MBD4: variants seen among roughly 807,000 people sequenced by gnomAD.
The protein encoded by MBD4 is methyl-CpG binding domain 4, DNA glycosylase.
A neutral mutation model predicts 60.2 loss-of-function variants in MBD4; 53 were observed. The observed-to-expected ratio is 0.88, with a 90% CI of 0.71 to 1.11. MBD4 has a LOEUF of 1.11. Ranked by LOEUF, MBD4 falls within the 50% of genes least tolerant of loss-of-function variation. MBD4 has a pLI of 0.00. For synonymous variants in MBD4, 231 were observed against 229.8 expected, an observed-to-expected ratio of 1.01 and a Z score of -0.05; for missense variants, 619 against 674.0, an observed-to-expected ratio of 0.92 and a Z score of 0.90.
chr3:129,436,374 G>C (rs539583820), intron 3 of MBD4, 87 bp downstream of exon 3: 2 of 1,529,206 alleles, frequency 1.3e-6, no homozygotes, highest in Admixed American at 3.4e-5. Context: ...GTATGGGCAC[G>C]AATACAAGAT....
chr3:129,431,004 G>C lies in MBD4; in HGVS notation c.*497C>G, dbSNP rs1048251977. On this transcript the variant is annotated 3_prime_UTR_variant, in exon 8 of 8. Coordinates refer to ENST00000429544, the MANE Select transcript of MBD4 (RefSeq NM_001276270.2). ...TTTAAATATATATTTTTTGAGACAGGGTCTCTCTCTGTCATCCAGACTGGA... is the reference window on the plus strand; with the variant it reads ...TTTAAATATATATTTTTTGAGACAGCGTCTCTCTCTGTCATCCAGACTGGA... 6.5e-6 allele frequency: 1 copy of C among 154,100 alleles called. No individual in the cohort carries two copies. Among genetic ancestry groups the C allele is most frequent in the South Asian group, 2.0e-4 (1 of 5,082 alleles). The allele number at this position is 154,100 out of a possible 1,614,324, so 9.5% of individuals were successfully genotyped here.
At chr3:129,439,161 T>C (rs574440035) in intron 1 of MBD4, among the ~76,000 whole-genome samples, 5 of 152,230 alleles carry the variant, frequency 3.3e-5, no homozygotes, top group Admixed American at 2.0e-4. Context: ...CTGATGTAAT[T>C]TGGGGTAAAA....
intron 1 of MBD4, among the ~76,000 whole-genome samples, chr3:129,438,223 C>G (rs934944048): frequency 6.6e-6 from 1 of 152,072 alleles, no homozygotes; most frequent in Non-Finnish European, 1.5e-5. Flanking sequence ...CTGAGTAGGG[C>G]TATTATAAAG....
Position 129,431,484 on chromosome 3 carries a change from C to A in MBD4, c.*17G>T, listed in dbSNP as rs768009716. On this transcript the variant is annotated 3_prime_UTR_variant, in exon 8 of 8. Transcript: ENST00000429544. The stretch of plus-strand genomic sequence containing the variant: ...TGCAAAGCTATGCATAACAGATGAG[C>A]TTGAAAGCTGCAGAGTTTAAGATAG... 3.1e-6 allele frequency: 5 copies of A among 1,603,460 alleles called. No homozygotes were observed. In the South Asian group the frequency reaches 4.4e-5, roughly 14 times the overall value.
At position 129,434,171 on chromosome 3, in the gene MBD4, T is replaced by C. The variant is rs766752309; in HGVS notation, c.1184-35A>G. On this transcript the variant is annotated intron_variant, in intron 3 of 7. Coordinates refer to ENST00000429544, the MANE Select transcript of MBD4 (RefSeq NM_001276270.2). The stretch of plus-strand genomic sequence containing the variant: ...AAAAGTAAACACTTTATGGAGTCTA[T>C]GGTTTAGCTTAAAGCAATATTGAGG... The C allele has an allele frequency of 1.2e-5, 19 of 1,540,722 alleles. No individual in the cohort carries two copies. In the East Asian group the frequency reaches 2.5e-4, roughly 20 times the overall value.
chr3:129,435,515 A>G (rs973045980), intron 3 of MBD4, among the ~76,000 whole-genome samples: 1 of 152,220 alleles, frequency 6.6e-6, no homozygotes, highest in African/African-American at 2.4e-5. Flanking sequence ...CTCAGTGTCT[A>G]GGACACAGAC....
Position 129,436,943 on chromosome 3 carries a change from T to A in MBD4, c.701A>T (p.Lys234Met). ...NFRKVRKPKG[K>M]VTILKGIPIK... ...TGGGATTCCTTTCAAAATAGTCACC[T>A]TTCCTTTGGGCTTTCTAACCTTTCT... The change falls in exon 3 of 8, where the codon AAG becomes ATG. Residue 234 changes from lysine (K) to methionine (M), a missense_variant. Physicochemically the swap from Lys to Met is moderately conservative, Grantham distance 95 (BLOSUM62 -1). Transcript: ENST00000429544. The A allele has an allele frequency of 6.2e-7, 1 of 1,614,204 alleles. No homozygotes were observed. Among genetic ancestry groups the A allele is most frequent in the Non-Finnish European group, 8.5e-7 (1 of 1,180,038 alleles).
At chr3:129,432,337 T>C (rs2072361156) in intron 7 of MBD4, 166 bp downstream of exon 7, 5 of 1,521,580 alleles carry the variant, frequency 3.3e-6, no homozygotes, top group Admixed American at 2.0e-5. Flanking sequence ...CGCCTACTGA[T>C]CAAAAACCCC....
chr3:129,436,608 CGTT>C lies in MBD4; in HGVS notation c.1033_1035del (p.Asn345del), dbSNP rs2072466133. 3.7e-6 allele frequency: 6 copies of C among 1,614,066 alleles called. No individual in the cohort carries two copies. Among genetic ancestry groups the C allele is most frequent in the East Asian group, 4.5e-5 (2 of 44,836 alleles). ...TCTAAAAAGGTATCCTCATACTTCT[CGTT>C]GTGTTCTGAGTCTTTGGCTGAACAA... On this transcript the variant is annotated inframe_deletion, in exon 3 of 8. Transcript: ENST00000429544.
chr3:129,433,777 C>T, intron 5 of MBD4, 73 bp downstream of exon 5: 1 of 1,593,722 alleles, frequency 6.3e-7, no homozygotes, highest in East Asian at 2.2e-5. Context: ...GACTTTGAAC[C>T]CAGGCCTCAA....
rs1559801079 is a variant in MBD4 at position 129,436,976 on chromosome 3, A to T, written c.668T>A (p.Val223Asp). The part of the protein sequence containing the change: ...LLKEDEGVDD[V>D]NFRKVRKPKG... ...GGGCTTTCTAACCTTTCTGAAGTTAACATCATCAACACCCTCATCTTCTTT... is the reference window on the plus strand; with the variant it reads ...GGGCTTTCTAACCTTTCTGAAGTTATCATCATCAACACCCTCATCTTCTTT... The change falls in exon 3 of 8, where the codon GTT (valine) becomes GAT (aspartate). Residue 223 changes from valine to aspartate, a missense_variant. By Grantham distance (152) the Val-to-Asp change is radical. Coordinates refer to ENST00000429544, the MANE Select transcript of MBD4 (RefSeq NM_001276270.2). The T allele has an allele frequency of 8.1e-6, 13 of 1,614,198 alleles. No homozygotes were observed. Among genetic ancestry groups the T allele is most frequent in the Non-Finnish European group, 1.1e-5 (13 of 1,180,038 alleles).
intron 6 of MBD4, 139 bp from the exon 7 acceptor site, chr3:129,432,745 T>A: frequency 1.2e-6 from 1 of 832,284 alleles, no homozygotes; most frequent in Non-Finnish European, 2.0e-6. Flanking sequence ...TTGTGATTAC[T>A]CTTCCTTCTG....
intron 7 of MBD4, chr3:129,432,187 T>G: frequency 3.6e-6 from 5 of 1,383,728 alleles, no homozygotes; most frequent in Non-Finnish European, 4.7e-6. Context: ...TGTAGTGGTG[T>G]ACTTTTGACA....
In MBD4 at chr3:129,433,143, G is replaced by A; in HGVS notation, c.1498C>T (p.Leu500Phe). The change falls in exon 6 of 8, where the codon CTT becomes TTT. Residue 500 changes from leucine (L) to phenylalanine (F), a missense_variant. By Grantham distance (22) the Leu-to-Phe change is conservative. Coordinates refer to ENST00000429544, the MANE Select transcript of MBD4 (RefSeq NM_001276270.2). ...WRDVSELLKP[L>F]GLYDLRAKTI... The stretch of plus-strand genomic sequence containing the variant: ...TTTGCCCGAAGATCGTAGAGACCAA[G>A]AGGTTTAAGAAGTTCTGACACATCT... The A allele has an allele frequency of 6.2e-7, 1 of 1,614,202 alleles. No individual in the cohort carries two copies. The highest frequency in any genetic ancestry group is 8.5e-7 in the Non-Finnish European group (1 of 1,180,018).
chr3:129,435,106 G>C (rs1374591055), intron 3 of MBD4, among the ~76,000 whole-genome samples: 1 of 152,070 alleles, frequency 6.6e-6, no homozygotes, highest in African/African-American at 2.4e-5. Context: ...TCTAAATGAA[G>C]CAATCATCCC....
intron 6 of MBD4, 140 bp from the exon 7 acceptor site, chr3:129,432,746 C>T (rs944618397): frequency 1.3e-5 from 11 of 828,252 alleles, no homozygotes; most frequent in Non-Finnish European, 2.2e-5. Flanking sequence ...TGTGATTACT[C>T]TTCCTTCTGA....
Position 129,437,017 on chromosome 3 carries a change from G to A in MBD4, c.627C>T (p.Ser209=), listed in dbSNP as rs772236645. Residue 209 remains serine (S), a synonymous_variant, in exon 3 of 8, where the codon TCC becomes TCT. Transcript: ENST00000429544. ...CATCTTCTTTCAAAAGCAAATGAGT[G>A]GAAGTAAAGTTAGAGAGTCCTCTGC... ...QESRGLSNFT[S]THLLLKEDEG... 6.2e-7 allele frequency: 1 copy of A among 1,614,148 alleles called. No homozygotes were observed. The highest frequency in any genetic ancestry group is 8.5e-7 in the Non-Finnish European group (1 of 1,180,020).
intron 3 of MBD4, 82 bp downstream of exon 3, chr3:129,436,379 C>A: frequency 6.4e-7 from 1 of 1,556,530 alleles, no homozygotes; most frequent in East Asian, 2.2e-5. Flanking sequence ...GGCACGAATA[C>A]AAGATGCAGC....
rs752517379 is a variant in MBD4 at position 129,436,352 on chromosome 3, C to T, written c.1183+109G>A. On this transcript the variant is annotated intron_variant, in intron 3 of 7. Transcript: ENST00000429544. ...GCCCTATTTCTTGGCTCTATTTTCA[C>T]ATCTTAACCATGTATGGGCACGAAT... 36 of 1,380,858 alleles carry T rather than the reference C, an allele frequency of 2.6e-5. No homozygotes were observed. The East Asian group carries it at 3.0e-4, about 11-fold the overall frequency. The allele number at this position is 1,380,858 out of a possible 1,614,324, so 85.5% of individuals were successfully genotyped here.
Sources: allele counts gnomAD v4.1 joint callset (sites outside exome capture counted in the v4.1 genomes callset), GRCh38; gene constraint gnomAD v4.1.1; transcripts MANE v1.5; gene names NCBI Gene and HGNC (gene_info 2026-07-23, HGNC 2026-07-21).